The following MALRD1 variants were observed in gnomAD, a reference collection of about 807,000 sequenced individuals.
MALRD1 encodes the protein MAM and LDL receptor class A domain containing 1.
Under a neutral mutation model 242.1 loss-of-function variants are expected in MALRD1, and 247 were observed. That is an observed-to-expected ratio of 1.02 (90% CI 0.92 to 1.13). The LOEUF is 1.13. MALRD1 is among the 50% of genes most tolerant of loss of function. The probability of loss-of-function intolerance (pLI) is 0.00; values close to 1 mark genes in which losing one functional copy is unlikely to be tolerated. For synonymous variants in MALRD1, 995 were observed against 866.6 expected (o/e 1.15, Z -2.60); for missense variants, 2,989 against 2,533.1 (o/e 1.18, Z -3.86).
intron 29 of MALRD1, among the ~76,000 whole-genome samples, chr10:19,487,517 CTTTTT>C (rs11301302): frequency 7.0e-6 from 1 of 142,168 alleles, no homozygotes; most frequent in African/African-American, 2.6e-5. Context: ...CCTATTTTAA[CTTTTT>C]TTTTTTTTTT....
In MALRD1 at chr10:19,593,031, A is replaced by G. The variant is rs182064194; in HGVS notation, c.5681-2163A>G. Among the ~76,000 whole-genome samples the G allele has an allele frequency of 3.0e-3, 453 of 152,026 alleles. 2 individuals carry two copies. Among genetic ancestry groups the G allele is most frequent in the Middle Eastern group, 0.01 (3 of 294 alleles). ...AAAAAAAAAAAAAAAGAATTTCTGTACTTTAAGTGTGAGATTAATCTAATG... is the reference window on the plus strand; with the variant it reads ...AAAAAAAAAAAAAAAGAATTTCTGTGCTTTAAGTGTGAGATTAATCTAATG... On this transcript the variant is annotated intron_variant, in intron 33 of 39. Transcript: ENST00000454679.
At chr10:19,731,453 G>A (rs1835292418) in intron 39 of MALRD1, among the ~76,000 whole-genome samples, 3 of 151,806 alleles carry the variant, frequency 2.0e-5, no homozygotes, top group Admixed American at 1.3e-4. Context: ...TTACTACAAT[G>A]AAACTATTTA....
At chr10:19,554,342 G>A (rs1409653864) in intron 32 of MALRD1, among the ~76,000 whole-genome samples, 9 of 151,892 alleles carry the variant, frequency 5.9e-5, no homozygotes, top group Admixed American at 5.3e-4. Context: ...AGCAAGAGGT[G>A]GAGGGAGGAG....
intron 26 of MALRD1, among the ~76,000 whole-genome samples, chr10:19,379,180 C>G (rs912060940): frequency 6.6e-6 from 1 of 151,794 alleles, no homozygotes; most frequent in East Asian, 1.9e-4. Flanking sequence ...TAATCTTTGT[C>G]TTATTTTTAT....
At chr10:19,379,997 C>G (rs1278090822) in intron 26 of MALRD1, among the ~76,000 whole-genome samples, 91 of 133,312 alleles carry the variant, frequency 6.8e-4, no homozygotes, top group Non-Finnish European at 1.1e-3. Context: ...TTTTTTGAGA[C>G]AGAGTGTCAC....
At chr10:19,470,978 C>G (rs1836459956) in intron 29 of MALRD1, among the ~76,000 whole-genome samples, 1 of 151,668 alleles carries the variant, frequency 6.6e-6, no homozygotes, top group East Asian at 1.9e-4. Flanking sequence ...TTTTTGTTGC[C>G]TTACGTTAGG....
At position 19,652,579 on chromosome 10, in the gene MALRD1, C is replaced by G. The variant is rs143092664; in HGVS notation, c.6137+36656C>G. 2.5e-3 allele frequency among the ~76,000 whole-genome samples: 375 copies of G among 152,164 alleles called. 3 individuals are homozygous for G. In the East Asian group the frequency reaches 0.033, roughly 13 times the overall value. On this transcript the variant is annotated intron_variant, in intron 36 of 39. Transcript: ENST00000454679. ...GTGCTGTGGGAGATGCTCTGTGAAC[C>G]AAGTGTGGGTCAGTACTGAACTGAA...
intron 36 of MALRD1, among the ~76,000 whole-genome samples, chr10:19,657,380 T>G (rs1457005195): frequency 6.6e-6 from 1 of 152,018 alleles, no homozygotes; most frequent in Non-Finnish European, 1.5e-5. Context: ...GAGCTCAGAG[T>G]GGCTTTCCAG....
chr10:19,213,338 C>G (rs933060881), intron 18 of MALRD1, among the ~76,000 whole-genome samples: 2 of 152,084 alleles, frequency 1.3e-5, no homozygotes, highest in African/African-American at 4.8e-5. Flanking sequence ...TCTTTAATGA[C>G]TAATGTGCTA....
At chr10:19,322,937 A>G (rs960155035) in intron 21 of MALRD1, among the ~76,000 whole-genome samples, 1 of 152,176 alleles carries the variant, frequency 6.6e-6, no homozygotes, top group South Asian at 2.1e-4. Context: ...TCACTTCTTT[A>G]TGCTTCAAAA....
At chr10:19,539,758 C>A (rs1334446464) in intron 32 of MALRD1, among the ~76,000 whole-genome samples, 2 of 151,754 alleles carry the variant, frequency 1.3e-5, no homozygotes, top group African/African-American at 4.8e-5. Context: ...GCAGTCTCCA[C>A]TCACTGCAGT....
intron 28 of MALRD1, among the ~76,000 whole-genome samples, chr10:19,419,767 G>A (rs190720944): frequency 3.8e-4 from 58 of 152,204 alleles, no homozygotes; most frequent in African/African-American, 1.4e-3. Flanking sequence ...GTATTTTACA[G>A]CTATCTTTTC....
rs1198929193 is a variant in MALRD1, at chr10:19,664,116, CAT to C, written c.6138-28163_6138-28162del. 5.9e-5 allele frequency among the ~76,000 whole-genome samples: 9 copies of C among 151,812 alleles called. No homozygotes were observed. The East Asian group carries it at 1.7e-3, about 29-fold the overall frequency. ...TTCAGAGTCTTCCATAGGTGACTTTCATATTTTTTCCAGGGTTTTTTTTTTCT... is the reference window on the plus strand; with the variant it reads ...TTCAGAGTCTTCCATAGGTGACTTTCATTTTTTCCAGGGTTTTTTTTTTCT... On this transcript the variant is annotated intron_variant, in intron 36 of 39. Coordinates refer to ENST00000454679, the MANE Select transcript of MALRD1 (RefSeq NM_001142308.3).
chr10:19,584,268 T>C (rs1047359445), intron 33 of MALRD1, among the ~76,000 whole-genome samples: 3 of 152,194 alleles, frequency 2.0e-5, no homozygotes, highest in African/African-American at 7.2e-5. Context: ...TTCTGTTAGC[T>C]TTTGAATGTG....
intron 21 of MALRD1, among the ~76,000 whole-genome samples, chr10:19,313,055 A>T (rs1842497583): frequency 6.6e-6 from 1 of 151,508 alleles, no homozygotes; most frequent in East Asian, 2.0e-4. Context: ...GTCCCAAGAA[A>T]TGGCATTTTA....
At chr10:19,239,622 G>A (rs183890341) in intron 18 of MALRD1, among the ~76,000 whole-genome samples, 67 of 152,118 alleles carry the variant, frequency 4.4e-4, no homozygotes, top group East Asian at 1.2e-3. Context: ...GTAGTTTTTC[G>A]TAGTTTTCAA....
intron 21 of MALRD1, among the ~76,000 whole-genome samples, chr10:19,320,386 C>A (rs1842872651): frequency 6.6e-6 from 1 of 152,052 alleles, no homozygotes; most frequent in Non-Finnish European, 1.5e-5. Context: ...CATGTCCCTG[C>A]AAAGGACATG....
At chr10:19,201,847 A>G (rs1038944826) in intron 14 of MALRD1, among the ~76,000 whole-genome samples, 3 of 151,924 alleles carry the variant, frequency 2.0e-5, no homozygotes, top group Non-Finnish European at 2.9e-5. Flanking sequence ...ACAGAGTCTC[A>G]CTCTGTCACC....
chr10:19,490,539 G>T (rs1837444008), intron 29 of MALRD1, among the ~76,000 whole-genome samples: 1 of 130,302 alleles, frequency 7.7e-6, no homozygotes, highest in African/African-American at 2.8e-5. Context: ...GGTGAGGGTA[G>T]AGTGGGGGTA....
Sources: gnomAD v4.1 joint callset for allele counts (sites outside exome capture counted in the v4.1 genomes callset) on GRCh38, gnomAD v4.1.1 for gene constraint, MANE v1.5 for transcripts, NCBI Gene and HGNC (gene_info 2026-07-23, HGNC 2026-07-21) for gene names.